DCHS2: variants seen among roughly 807,000 people sequenced by gnomAD.
The protein encoded by DCHS2 is protocadherin-23.
In DCHS2, 142 loss-of-function variants were observed where a neutral mutation model predicts 182.4. That is an observed-to-expected ratio of 0.78 (90% CI 0.68 to 0.89). The LOEUF is 0.89. DCHS2 is among the 40% of genes least tolerant of loss of function. The pLI is 0.00. For synonymous variants in DCHS2, 1,740 were observed against 1,663.3 expected (o/e 1.05, Z -1.12); for missense variants, 4,319 against 4,198.6 (o/e 1.03, Z -0.79).
intron 1 of DCHS2, among the ~76,000 whole-genome samples, chr4:154,475,329 T>C (rs2111026399): frequency 6.6e-6 from 1 of 152,262 alleles, no homozygotes; most frequent in East Asian, 1.9e-4. Context: ...AATTAAAGTA[T>C]CAAAAAAGTA....
At chr4:154,460,694 T>C (rs926940299) in intron 1 of DCHS2, among the ~76,000 whole-genome samples, 1 of 152,220 alleles carries the variant, frequency 6.6e-6, no homozygotes, top group Admixed American at 6.5e-5. Flanking sequence ...CATAAATGGG[T>C]TAGATATTCC....
At chr4:154,481,905 A>G (rs527685916) in intron 1 of DCHS2, among the ~76,000 whole-genome samples, 1 of 152,360 alleles carries the variant, frequency 6.6e-6, no homozygotes, top group East Asian at 1.9e-4. Context: ...GACACCTGGA[A>G]ATAATGAGAA....
intron 10 of DCHS2, among the ~76,000 whole-genome samples, chr4:154,306,718 A>G (rs1367988836): frequency 6.6e-6 from 1 of 152,074 alleles, no homozygotes; most frequent in African/African-American, 2.4e-5. Flanking sequence ...ATTATTTTAT[A>G]TGATTTTCTT....
At chr4:154,280,047 A>G (rs551240402) in intron 13 of DCHS2, among the ~76,000 whole-genome samples, 1,799 of 152,194 alleles carry the variant, frequency 0.012, 22 homozygotes, top group African/African-American at 0.039. Context: ...AGGAGACATT[A>G]AAACCAATGC....
At chr4:154,331,522 T>C in intron 5 of DCHS2, 1 of 1,533,676 alleles carries the variant, frequency 6.5e-7, no homozygotes, top group South Asian at 1.2e-5. Flanking sequence ...AAAGGCAGCT[T>C]GCAACCTTCT....
intron 3 of DCHS2, among the ~76,000 whole-genome samples, chr4:154,349,382 G>T (rs187526308): frequency 5.9e-5 from 9 of 152,144 alleles, no homozygotes; most frequent in Admixed American, 5.9e-4. Flanking sequence ...ATTTCAGCTT[G>T]GTGGCCATGA....
chr4:154,353,856 C>A (rs565154512), intron 3 of DCHS2, among the ~76,000 whole-genome samples: 3 of 152,190 alleles, frequency 2.0e-5, no homozygotes, highest in Non-Finnish European at 4.4e-5. Flanking sequence ...GGGAAAGGAT[C>A]TAAGAATTGC....
At chr4:154,430,683 C>T (rs2110934090) in intron 1 of DCHS2, among the ~76,000 whole-genome samples, 1 of 152,318 alleles carries the variant, frequency 6.6e-6, no homozygotes, top group East Asian at 1.9e-4. Context: ...CAATCTTCTT[C>T]AAAATGTATC....
At chr4:154,431,332 T>A in intron 1 of DCHS2, among the ~76,000 whole-genome samples, 1 of 152,152 alleles carries the variant, frequency 6.6e-6, no homozygotes, top group East Asian at 1.9e-4. Context: ...ACTTATTTCA[T>A]AAAGAAAACA....
At chr4:154,345,043 TC>T (rs959619305) in intron 3 of DCHS2, among the ~76,000 whole-genome samples, 3 of 152,178 alleles carry the variant, frequency 2.0e-5, no homozygotes, top group Non-Finnish European at 4.4e-5. Flanking sequence ...TCTCTCCTCC[TC>T]CTGTTGTCCA....
At chr4:154,331,564 A>G (rs1561047645) in intron 5 of DCHS2, 1 of 1,594,024 alleles carries the variant, frequency 6.3e-7, no homozygotes, top group African/African-American at 1.3e-5. Flanking sequence ...AAAACCCTCC[A>G]TCTGCTGTGA....
intron 2 of DCHS2, among the ~76,000 whole-genome samples, chr4:154,376,637 A>G (rs934272717): frequency 6.6e-6 from 1 of 152,206 alleles, no homozygotes; most frequent in African/African-American, 2.4e-5. Flanking sequence ...CTCTAAGAAA[A>G]TAATGGTATG....
chr4:154,446,623 G>T (rs912570179), intron 1 of DCHS2, among the ~76,000 whole-genome samples: 1 of 152,082 alleles, frequency 6.6e-6, no homozygotes, highest in Non-Finnish European at 1.5e-5. Flanking sequence ...GAGAGTAAGG[G>T]ATTGAGCTGG....
chr4:154,434,049 A>G (rs745847341), intron 1 of DCHS2, among the ~76,000 whole-genome samples: 1 of 152,278 alleles, frequency 6.6e-6, no homozygotes, highest in Non-Finnish European at 1.5e-5. Context: ...AGTCATAGAC[A>G]TGGATAAACG....
intron 1 of DCHS2, among the ~76,000 whole-genome samples, chr4:154,418,057 G>T (rs1732948680): frequency 6.6e-6 from 1 of 152,090 alleles, no homozygotes; most frequent in Admixed American, 6.5e-5. Flanking sequence ...GCCTTTTTCT[G>T]AACAAATATT....
chr4:154,331,182 T>C (rs1464018197), intron 5 of DCHS2, among the ~76,000 whole-genome samples: 2 of 152,284 alleles, frequency 1.3e-5, no homozygotes, highest in Middle Eastern at 3.4e-3. Flanking sequence ...AGCCCTTTCA[T>C]ATTCTTTAGC....
At chr4:154,413,938 T>C (rs1447092451) in intron 1 of DCHS2, among the ~76,000 whole-genome samples, 1 of 152,230 alleles carries the variant, frequency 6.6e-6, no homozygotes, top group African/African-American at 2.4e-5. Context: ...CTTGAGACCC[T>C]GGTTAATATA....
chr4:154,484,795 G>A lies in DCHS2; in HGVS notation c.2052+4509C>T, dbSNP rs112911351. Among the ~76,000 whole-genome samples, 5 of 152,114 alleles carry A rather than the reference G, an allele frequency of 3.3e-5. 1 individual carries two copies. The highest frequency in any genetic ancestry group is 7.4e-5 in the Non-Finnish European group (5 of 68,024). On this transcript the variant is annotated intron_variant, in intron 1 of 19. Transcript: ENST00000357232. Reference sequence around the variant, plus strand: ...CTGGAGTTTAGTTGTTACTAAAATCGATTTATTGTAAGATTTCAATCCTCA... The same window carrying A: ...CTGGAGTTTAGTTGTTACTAAAATCAATTTATTGTAAGATTTCAATCCTCA...
At chr4:154,241,036 A>G (rs1731801489) in intron 17 of DCHS2, among the ~76,000 whole-genome samples, 2 of 152,180 alleles carry the variant, frequency 1.3e-5, no homozygotes, top group African/African-American at 4.8e-5. Flanking sequence ...TGAGTAGGGA[A>G]TTGAGGAGGT....
Sources: gnomAD v4.1 joint callset for allele counts (sites outside exome capture counted in the v4.1 genomes callset) on GRCh38, gnomAD v4.1.1 for gene constraint, MANE v1.5 for transcripts, NCBI Gene and HGNC (gene_info 2026-07-23, HGNC 2026-07-21) for gene names.